Variants in SAMTOR observed in about 807,000 individuals in gnomAD.
SAMTOR encodes the protein UPF0532 protein C7orf60.
chr7:112,936,415 A>G, the SAMTOR span, among the ~76,000 whole-genome samples: 8,045 of 152,244 alleles, frequency 0.053, 586 homozygotes, highest in African/African-American at 0.16. Flanking sequence ...AAGGCAGGCC[A>G]TAAACTGGGG....
the SAMTOR span, among the ~76,000 whole-genome samples, chr7:112,901,177 T>C: frequency 6.6e-6 from 1 of 152,224 alleles, no homozygotes; most frequent in East Asian, 1.9e-4. Context: ...GTCCGTGACC[T>C]GTTAGGAACT....
the SAMTOR span, among the ~76,000 whole-genome samples, chr7:112,838,361 T>C: frequency 3.3e-5 from 5 of 152,074 alleles, no homozygotes; most frequent in South Asian, 1.0e-3. Flanking sequence ...TTGATAGTCT[T>C]ACTTTTTGAA....
the SAMTOR span, among the ~76,000 whole-genome samples, chr7:112,911,847 C>G: frequency 4.7e-3 from 721 of 151,858 alleles, 4 homozygotes; most frequent in African/African-American, 0.016. Context: ...ATATAGAATA[C>G]TTGAACAACA....
chr7:112,882,194 C>G, the SAMTOR span, among the ~76,000 whole-genome samples: 1 of 152,202 alleles, frequency 6.6e-6, no homozygotes, highest in Non-Finnish European at 1.5e-5. Context: ...CCCATGTTCA[C>G]TCACACACCC....
the SAMTOR span, among the ~76,000 whole-genome samples, chr7:112,888,267 T>G: frequency 1.3e-5 from 2 of 152,208 alleles, no homozygotes; most frequent in South Asian, 4.1e-4. Context: ...CTAGTTTAAT[T>G]CTGTTGTAGT....
chr7:112,888,330 TG>T, the SAMTOR span, among the ~76,000 whole-genome samples: 3 of 152,178 alleles, frequency 2.0e-5, no homozygotes, highest in African/African-American at 7.2e-5. Flanking sequence ...TTGGTTAAGA[TG>T]TGTTTTATGG....
chr7:112,901,566 T>G, the SAMTOR span, among the ~76,000 whole-genome samples: 82 of 152,316 alleles, frequency 5.4e-4, 3 homozygotes, highest in East Asian at 0.012. Flanking sequence ...GTAATGCACT[T>G]GAATCACCCC....
chr7:112,840,867 C>T, the SAMTOR span, among the ~76,000 whole-genome samples: 12 of 151,946 alleles, frequency 7.9e-5, no homozygotes, highest in East Asian at 1.3e-3. Context: ...AAAAGGCCTT[C>T]GATAAAATTC....
At chr7:112,884,864 T>A in the SAMTOR span, among the ~76,000 whole-genome samples, 1 of 152,230 alleles carries the variant, frequency 6.6e-6, no homozygotes, top group African/African-American at 2.4e-5. Flanking sequence ...AAGACCACAT[T>A]TCCCTTCCAC....
At chr7:112,853,714 G>A in the SAMTOR span, among the ~76,000 whole-genome samples, 13 of 152,208 alleles carry the variant, frequency 8.5e-5, no homozygotes, top group African/African-American at 3.1e-4. Flanking sequence ...GCCAGCAAAG[G>A]CAGATATGGG....
At chr7:112,938,331 AT>A in the SAMTOR span, among the ~76,000 whole-genome samples, 1 of 152,316 alleles carries the variant, frequency 6.6e-6, no homozygotes, top group South Asian at 2.1e-4. Context: ...CCATTTGGGG[AT>A]GATTAAACAG....
chr7:112,875,172 C>T, the SAMTOR span, among the ~76,000 whole-genome samples: 1 of 152,158 alleles, frequency 6.6e-6, no homozygotes, highest in South Asian at 2.1e-4. Context: ...CAGCCCCCAG[C>T]TCAGAGGGGC....
chr7:112,909,069 G>A, the SAMTOR span, among the ~76,000 whole-genome samples: 1 of 152,210 alleles, frequency 6.6e-6, no homozygotes, highest in African/African-American at 2.4e-5. Context: ...TCCAGTTCTA[G>A]AAAGTTCACT....
At chr7:112,867,886 T>C in the SAMTOR span, among the ~76,000 whole-genome samples, 2 of 152,206 alleles carry the variant, frequency 1.3e-5, no homozygotes, top group African/African-American at 2.4e-5. Context: ...CCGGGCTGCA[T>C]AGCAGGAGGT....
the SAMTOR span, among the ~76,000 whole-genome samples, chr7:112,867,575 G>A: frequency 1.6e-4 from 24 of 152,142 alleles, no homozygotes; most frequent in Non-Finnish European, 3.5e-4. Flanking sequence ...TATGCTGACA[G>A]TCTAAGTAAA....
chr7:112,843,502 G>T, the SAMTOR span, among the ~76,000 whole-genome samples: 1,621 of 151,946 alleles, frequency 0.011, 30 homozygotes, highest in African/African-American at 0.037. Flanking sequence ...ATAAAAGAAG[G>T]AATTGCTAAA....
At chr7:112,931,365 C>T in the SAMTOR span, among the ~76,000 whole-genome samples, 149,482 of 152,136 alleles carry the variant, frequency 0.98, 73,482 homozygotes, top group East Asian at 1. Context: ...TCTACAAACA[C>T]TGGCTCACGG....
chr7:112,907,656 C>T, the SAMTOR span, among the ~76,000 whole-genome samples: 1 of 151,294 alleles, frequency 6.6e-6, no homozygotes, highest in Non-Finnish European at 1.5e-5. Flanking sequence ...AACATGATCA[C>T]ATAATTCACA....
chr7:112,867,878 G>A, the SAMTOR span, among the ~76,000 whole-genome samples: 5 of 152,310 alleles, frequency 3.3e-5, no homozygotes, highest in South Asian at 2.1e-4. Flanking sequence ...GTTAGGAACC[G>A]GGCTGCATAG....
Sources: gnomAD v4.1 joint callset for allele counts (sites outside exome capture counted in the v4.1 genomes callset) on GRCh38, gnomAD v4.1.1 for gene constraint, MANE v1.5 for transcripts, NCBI Gene and HGNC (gene_info 2026-07-23, HGNC 2026-07-21) for gene names.